The following AFG3L2 variants were observed in gnomAD, a reference collection of about 807,000 sequenced individuals.
The protein encoded by AFG3L2 is mitochondrial inner membrane m-AAA protease component AFG3L2.
In AFG3L2, 54 loss-of-function variants were observed where a neutral mutation model predicts 94.5. The ratio of observed to expected loss-of-function variants is 0.57; its 90% CI spans 0.46 to 0.72. The LOEUF is 0.72. Ranked by LOEUF, AFG3L2 falls within the 30% of genes least tolerant of loss-of-function variation. The probability of loss-of-function intolerance (pLI) is 0.00; values close to 1 mark genes in which losing one functional copy is unlikely to be tolerated. For synonymous variants in AFG3L2, 377 were observed against 365.5 expected, an observed-to-expected ratio of 1.03 and a Z score of -0.36; for missense variants, 754 against 994.9, an observed-to-expected ratio of 0.76 and a Z score of 3.26.
chr18:12,369,751 C>G (rs562281713), intron 3 of AFG3L2, among the ~76,000 whole-genome samples: 1 of 146,304 alleles, frequency 6.8e-6, no homozygotes, highest in African/African-American at 2.5e-5. Context: ...GTTTTCTTTA[C>G]ATTTCCCTAA....
At chr18:12,336,728 T>A (rs146199721) in intron 16 of AFG3L2, among the ~76,000 whole-genome samples, 1 of 152,236 alleles carries the variant, frequency 6.6e-6, no homozygotes, top group South Asian at 2.1e-4. Context: ...ATTCAAAGTT[T>A]TTTTTAATTC....
rs576247423 is a variant in AFG3L2, at chr18:12,365,871, CT to C, written c.552+1093del. Among the ~76,000 whole-genome samples, 405 of 113,782 alleles carry C rather than the reference CT, an allele frequency of 3.6e-3. 2 individuals are homozygous for C. Among genetic ancestry groups the C allele is most frequent in the African/African-American group, 0.011 (317 of 27,934 alleles). The allele number at this position is 113,782 out of a possible 152,430, so 74.6% of individuals were successfully genotyped here. ...TGTCTATCACTACACTGCATCAATT[CT>C]TTTTTTTTTTTTTTTTTTTTGAGAT... is the stretch of plus-strand genomic sequence containing the variant. On this transcript the variant is annotated intron_variant, in intron 5 of 16. Coordinates refer to ENST00000269143, the MANE Select transcript of AFG3L2 (RefSeq NM_006796.3).
chr18:12,371,447 T>C (rs1908987632), intron 2 of AFG3L2, 145 bp downstream of exon 2: 6 of 700,226 alleles, frequency 8.6e-6, no homozygotes, highest in Non-Finnish European at 1.5e-5. Context: ...TCAATTTCAT[T>C]ATCTACAAAT....
chr18:12,340,238 T>C lies in AFG3L2; in HGVS notation c.1943A>G (p.Asp648Gly). The C allele has an allele frequency of 6.8e-6, 11 of 1,614,172 alleles. No individual in the cohort carries two copies. The highest frequency in any genetic ancestry group is 9.3e-6 in the Non-Finnish European group (11 of 1,180,028). ...FFGRITTGAQ[D>G]DLRKVTQSAY... ...ACTCTGAGTTACTTTTCTCAAGTCA[T>C]CTTGAGCACCAGTTGTAATTCTTCC... The change falls in exon 15 of 17, where the codon GAT becomes GGT. Residue 648 changes from aspartate (D) to glycine (G), a missense_variant. Around this residue, in one of 4 missense-constraint regions of AFG3L2, gnomAD observed 279 missense variants for 378.6 expected, o/e 0.74. Coordinates refer to ENST00000269143, the MANE Select transcript of AFG3L2 (RefSeq NM_006796.3).
At chr18:12,351,025 T>G in intron 12 of AFG3L2, 60 bp downstream of exon 12, 1 of 1,600,836 alleles carries the variant, frequency 6.2e-7, no homozygotes, top group South Asian at 1.1e-5. Flanking sequence ...AACCGGTACC[T>G]GGTAACTGTT....
intron 12 of AFG3L2, among the ~76,000 whole-genome samples, chr18:12,350,143 T>C (rs973726337): frequency 6.6e-6 from 1 of 151,778 alleles, no homozygotes; most frequent in Non-Finnish European, 1.5e-5. Context: ...CCCGAACAGC[T>C]GGGATTACAG....
At chr18:12,358,571 A>C (rs1193187114) in intron 8 of AFG3L2, 99 bp downstream of exon 8, 13 of 1,449,022 alleles carry the variant, frequency 9.0e-6, no homozygotes, top group Non-Finnish European at 1.2e-5. Context: ...GAGGAAGGAC[A>C]GAAAAACAGC....
intron 8 of AFG3L2, among the ~76,000 whole-genome samples, chr18:12,357,410 C>T (rs1908528049): frequency 1.3e-5 from 2 of 152,184 alleles, no homozygotes; most frequent in Non-Finnish European, 2.9e-5. Context: ...TACTACCACA[C>T]TACCATATCC....
Position 12,376,954 on chromosome 18 carries a change from C to G in AFG3L2, c.114+15G>C, listed in dbSNP as rs960617485. 1 of 1,427,528 alleles carries G rather than the reference C, an allele frequency of 7.0e-7. No individual in the cohort carries two copies. The highest frequency in any genetic ancestry group is 9.2e-7 in the Non-Finnish European group (1 of 1,092,198). 88.4% of individuals were successfully genotyped at this position (1,427,528 alleles called of 1,614,324 possible). A position where few individuals can be genotyped will look rare whatever the true frequency, so the allele number is the denominator to read the frequency against. On this transcript the variant is annotated intron_variant, in intron 1 of 16. Coordinates refer to ENST00000269143, the MANE Select transcript of AFG3L2 (RefSeq NM_006796.3). ...AGGCAGGGTGGAGGGCGCCGGGCGC[C>G]CAGGTAGGACTCACCGTCCGGAGGC...
intron 15 of AFG3L2, among the ~76,000 whole-genome samples, chr18:12,338,459 G>A (rs996280828): frequency 1.3e-5 from 2 of 152,146 alleles, no homozygotes; most frequent in African/African-American, 2.4e-5. Flanking sequence ...CTGGACCCAT[G>A]AGCCCCCAAA....
At chr18:12,338,976 C>T (rs969354120) in intron 15 of AFG3L2, among the ~76,000 whole-genome samples, 2 of 151,990 alleles carry the variant, frequency 1.3e-5, no homozygotes, top group African/African-American at 2.4e-5. Context: ...TTCTCGGGGC[C>T]GGGCACGGTG....
chr18:12,339,284 G>A (rs570680374), intron 15 of AFG3L2, among the ~76,000 whole-genome samples: 2 of 147,126 alleles, frequency 1.4e-5, no homozygotes, highest in Non-Finnish European at 3.0e-5. Context: ...CAAGCACAGC[G>A]GCTCATGCCT....
Position 12,351,335 on chromosome 18 carries a change from G to C in AFG3L2, c.1397C>G (p.Pro466Arg). 1 of 1,614,104 alleles carries C rather than the reference G, an allele frequency of 6.2e-7. No individual in the cohort carries two copies. Among genetic ancestry groups the C allele is most frequent in the Non-Finnish European group, 8.5e-7 (1 of 1,180,044 alleles). Residue 466 changes from proline to arginine, a missense_variant, in exon 11 of 17, where the codon CCG becomes CGG. Around this residue, in one of 4 missense-constraint regions of AFG3L2, gnomAD observed 109 missense variants for 227.1 expected, o/e 0.48. Coordinates refer to ENST00000269143, the MANE Select transcript of AFG3L2 (RefSeq NM_006796.3). ...AAAGATCTGCCTGTCGAAACGCCCCGGCCTAAGCAGCGCGGGGTCCAGGAT... is the reference window on the plus strand; with the variant it reads ...AAAGATCTGCCTGTCGAAACGCCCCCGCCTAAGCAGCGCGGGGTCCAGGAT... ...PDILDPALLR[P>R]GRFDRQIFIG...
intron 5 of AFG3L2, among the ~76,000 whole-genome samples, chr18:12,366,673 G>A (rs1196743110): frequency 2.0e-5 from 3 of 152,152 alleles, no homozygotes; most frequent in Admixed American, 1.3e-4. Flanking sequence ...CTGAGGGCAC[G>A]TGAGAAAAGG....
At position 12,337,090 on chromosome 18, in the gene AFG3L2, G is replaced by A. The variant is rs746867965; in HGVS notation, c.2175+251C>T. The A allele has an allele frequency of 9.9e-6, 6 of 607,408 alleles. No homozygotes were observed. In the African/African-American group the frequency reaches 1.1e-4, roughly 11 times the overall value. The allele number at this position is 607,408 out of a possible 1,614,324, so 37.6% of individuals were successfully genotyped here. On this transcript the variant is annotated intron_variant, in intron 16 of 16. Coordinates refer to ENST00000269143, the MANE Select transcript of AFG3L2 (RefSeq NM_006796.3). The stretch of plus-strand genomic sequence containing the variant: ...CTGATTTGTTTACTTTGTGGTTACT[G>A]ACAGACTTCATTAATCATTCAGTCA...
At position 12,340,412 on chromosome 18, in the gene AFG3L2, G is replaced by A; in HGVS notation, c.1780-11C>T. On this transcript the variant is annotated splice_polypyrimidine_tract_variant and intron_variant, in intron 14 of 16. Transcript: ENST00000269143. Reference sequence around the variant, plus strand: ...TGGGATGATGGATACCTGGTAAGTAGAAAACAGTGTTGAAGATCCTACTAC... The same window carrying A: ...TGGGATGATGGATACCTGGTAAGTAAAAAACAGTGTTGAAGATCCTACTAC... 4.4e-6 allele frequency: 7 copies of A among 1,603,872 alleles called. No individual in the cohort carries two copies. Among genetic ancestry groups the A allele is most frequent in the Non-Finnish European group, 5.1e-6 (6 of 1,170,712 alleles).
At chr18:12,367,502 G>A (rs1302602228) in intron 3 of AFG3L2, 120 bp from the exon 4 acceptor site, 2 of 909,518 alleles carry the variant, frequency 2.2e-6, no homozygotes, top group Non-Finnish European at 3.6e-6. Flanking sequence ...CAACTGATCA[G>A]TTACTAAGTG....
chr18:12,356,891 TC>T, intron 8 of AFG3L2, 60 bp from the exon 9 acceptor site: 1 of 1,529,124 alleles, frequency 6.5e-7, no homozygotes, highest in Non-Finnish European at 9.0e-7. Context: ...AAATTGTGTA[TC>T]CACAAATAAT....
rs1248531948 is a variant in AFG3L2 at position 12,370,476 on chromosome 18, TTTTC to T, written c.292+369_292+372del. Reference sequence around the variant, plus strand: ...TACTATAACTTTCTTTTTTTTTTTTTTTTCTTTTTTTTTTGAGACAGGGTCTCTC... The same window carrying T: ...TACTATAACTTTCTTTTTTTTTTTTTTTTTTTTTTTGAGACAGGGTCTCTC... On this transcript the variant is annotated intron_variant, in intron 3 of 16. Coordinates refer to ENST00000269143, the MANE Select transcript of AFG3L2 (RefSeq NM_006796.3). 5.6e-4 allele frequency among the ~76,000 whole-genome samples: 63 copies of T among 112,960 alleles called. 3 individuals are homozygous for T. Among genetic ancestry groups the T allele is most frequent in the African/African-American group, 9.3e-4 (17 of 18,318 alleles). 74.1% of individuals were successfully genotyped at this position (112,960 alleles called of 152,430 possible). A position where few individuals can be genotyped will look rare whatever the true frequency, so the allele number is the denominator to read the frequency against.
Sources: allele counts gnomAD v4.1 joint callset (sites outside exome capture counted in the v4.1 genomes callset), GRCh38; gene constraint gnomAD v4.1.1; regional missense constraint gnomAD v4.1.1; transcripts MANE v1.5; gene names NCBI Gene and HGNC (gene_info 2026-07-23, HGNC 2026-07-21).